Variants in LMO7 observed in about 807,000 individuals in gnomAD.
LMO7 encodes the protein LIM domain 7, also known as LIM domain only protein 7.
In LMO7, 120 loss-of-function variants were observed where a neutral mutation model predicts 206.5. That is an observed-to-expected ratio of 0.58 (90% CI 0.50 to 0.68). The LOEUF (loss-of-function observed/expected upper bound fraction) is 0.68, where lower values mean the gene tolerates loss of function less well. LMO7 is among the 30% of genes least tolerant of loss of function. The probability of loss-of-function intolerance (pLI) is 0.00; values close to 1 mark genes in which losing one functional copy is unlikely to be tolerated. For missense variants in LMO7, 1,959 were observed against 1,957.9 expected, an observed-to-expected ratio of 1.00 and a Z score of -0.01; for synonymous variants, 706 against 681.5, an observed-to-expected ratio of 1.04 and a Z score of -0.56.
At chr13:75,759,472 G>T (rs1265904727) in intron 3 of LMO7, among the ~76,000 whole-genome samples, 1 of 152,112 alleles carries the variant, frequency 6.6e-6, no homozygotes, top group African/African-American at 2.4e-5. Flanking sequence ...CCAATAAATT[G>T]TGTCTCCTTT....
Position 75,761,057 on chromosome 13 carries a change from TTAGATA to T in LMO7, c.317+22_317+27del. On this transcript the variant is annotated intron_variant, in intron 4 of 30. Transcript: ENST00000377534. The stretch of plus-strand genomic sequence containing the variant: ...CTGTCAAGTAAGTTTCAACAGTTTG[TTAGATA>T]TATATATATATATTTAAACTTAGGG... 3 of 1,397,542 alleles carry T rather than the reference TTAGATA, an allele frequency of 2.1e-6. No homozygotes were observed. The highest frequency in any genetic ancestry group is 2.9e-6 in the Non-Finnish European group (3 of 1,024,934). The allele number at this position is 1,397,542 out of a possible 1,614,324, so 86.6% of individuals were successfully genotyped here. A position where few individuals can be genotyped will look rare whatever the true frequency, so the allele number is the denominator to read the frequency against.
intron 2 of LMO7, among the ~76,000 whole-genome samples, chr13:75,723,012 C>T (rs994130437): frequency 4.6e-5 from 7 of 151,924 alleles, no homozygotes; most frequent in South Asian, 2.1e-4. Context: ...TTTGGGGACT[C>T]GGGGGAAAGA....
At chr13:75,833,683 A>G (rs141439924) in intron 16 of LMO7, among the ~76,000 whole-genome samples, 57 of 152,284 alleles carry the variant, frequency 3.7e-4, no homozygotes, top group African/African-American at 1.2e-3. Flanking sequence ...GCCTAAAATT[A>G]AAAACAGGAG....
chr13:75,640,955 T>A (rs759487286), intron 1 of LMO7, among the ~76,000 whole-genome samples: 5 of 152,222 alleles, frequency 3.3e-5, no homozygotes, highest in Non-Finnish European at 4.4e-5. Context: ...ACTTGATGAT[T>A]TCCCTCATGG....
intron 4 of LMO7, among the ~76,000 whole-genome samples, chr13:75,783,386 G>T (rs1011234983): frequency 6.6e-6 from 1 of 152,140 alleles, no homozygotes; most frequent in African/African-American, 2.4e-5. Context: ...GCAGTGGTGC[G>T]ATTTTGGCTC....
intron 3 of LMO7, among the ~76,000 whole-genome samples, chr13:75,749,149 C>A (rs2047087430): frequency 6.6e-6 from 1 of 152,116 alleles, no homozygotes; most frequent in Non-Finnish European, 1.5e-5. Context: ...GGTGATGATC[C>A]AGACTCATTA....
chr13:75,686,477 C>T (rs1417418462), intron 1 of LMO7, among the ~76,000 whole-genome samples: 2 of 151,584 alleles, frequency 1.3e-5, no homozygotes, highest in East Asian at 1.9e-4. Flanking sequence ...GGTGGGGATA[C>T]AGCCACACCA....
chr13:75,761,000 T>G lies in LMO7; in HGVS notation c.279T>G (p.Pro93=), dbSNP rs376052235. The G allele has an allele frequency of 1.9e-6, 3 of 1,613,108 alleles. No individual in the cohort carries two copies. In the African/African-American group the frequency reaches 4.0e-5, roughly 22 times the overall value. Residue 93 remains proline (P), a synonymous_variant, in exon 4 of 31, where the codon CCT becomes CCG. Transcript: ENST00000377534. ...IGLKEAQLFH[P]GDLQDLSNRV... is the part of the protein sequence containing the mutation. ...TGAAAGAAGCCCAGCTTTTCCATCC[T>G]GGAGATCTACAGGATTTATCAAATC...
intron 15 of LMO7, among the ~76,000 whole-genome samples, chr13:75,828,489 G>A (rs1463088701): frequency 6.6e-6 from 1 of 152,082 alleles, no homozygotes; most frequent in Non-Finnish European, 1.5e-5. Flanking sequence ...AGAGCCACTG[G>A]GGACAGAAAT....
intron 3 of LMO7, 47 bp downstream of exon 3, chr13:75,727,145 T>C (rs755822417): frequency 1.6e-6 from 2 of 1,252,510 alleles, no homozygotes; most frequent in East Asian, 4.7e-5. Flanking sequence ...GTCTTTGAAA[T>C]GTAAAGAGGT....
intron 4 of LMO7, among the ~76,000 whole-genome samples, chr13:75,767,196 TAAG>T (rs1309394115): frequency 5.3e-5 from 8 of 152,126 alleles, no homozygotes; most frequent in Non-Finnish European, 8.8e-5. Context: ...TAATAAATGT[TAAG>T]AATGCTTAAC....
At chr13:75,759,783 T>A (rs2047994133) in intron 3 of LMO7, among the ~76,000 whole-genome samples, 1 of 152,032 alleles carries the variant, frequency 6.6e-6, no homozygotes, top group African/African-American at 2.4e-5. Flanking sequence ...GAACCCAAGC[T>A]GTAGAATTTA....
Position 75,812,042 on chromosome 13 carries a change from C to T in LMO7, c.1946+2859C>T, listed in dbSNP as rs530758584. On this transcript the variant is annotated intron_variant, in intron 11 of 30. Coordinates refer to ENST00000377534, the MANE Select transcript of LMO7 (RefSeq NM_001306080.2). ...CAATTTCGGTTATTTCTAGGGATTTCCCTCCACCCCCAGGAGACATTTGGC... is the reference window on the plus strand; with the variant it reads ...CAATTTCGGTTATTTCTAGGGATTTTCCTCCACCCCCAGGAGACATTTGGC... Among the ~76,000 whole-genome samples, 4 of 152,260 alleles carry T rather than the reference C, an allele frequency of 2.6e-5. No individual in the cohort carries two copies. In the East Asian group the frequency reaches 7.7e-4, roughly 29 times the overall value.
At chr13:75,781,331 T>C (rs2051398954) in intron 4 of LMO7, among the ~76,000 whole-genome samples, 1 of 119,892 alleles carries the variant, frequency 8.3e-6, no homozygotes, top group Non-Finnish European at 1.6e-5. Flanking sequence ...CCTGTGTCCA[T>C]GTGATCTCAT....
intron 15 of LMO7, among the ~76,000 whole-genome samples, chr13:75,831,988 T>C (rs1460873300): frequency 1.3e-5 from 2 of 152,146 alleles, no homozygotes; most frequent in African/African-American, 4.8e-5. Context: ...CCCAATTAGT[T>C]CCTGGGTTAG....
intron 3 of LMO7, among the ~76,000 whole-genome samples, chr13:75,738,005 C>T (rs2046087193): frequency 6.6e-6 from 1 of 151,774 alleles, no homozygotes. Context: ...TATCCCAGGT[C>T]ACTGGCCAGC....
Position 75,852,815 on chromosome 13 carries a change from AG to A in LMO7, c.4365-276del, listed in dbSNP as rs572150554. On this transcript the variant is annotated intron_variant, in intron 27 of 30. Coordinates refer to ENST00000377534, the MANE Select transcript of LMO7 (RefSeq NM_001306080.2). ...ACTGTAGGCTAAGGTAAGTGTTCTG[AG>A]CATGATTGAGGTGGATTAGGCTTAG... 1.2e-3 allele frequency among the ~76,000 whole-genome samples: 185 copies of A among 152,296 alleles called. 5 individuals carry two copies. The South Asian group carries it at 0.038, about 31-fold the overall frequency.
intron 2 of LMO7, among the ~76,000 whole-genome samples, chr13:75,716,208 G>C (rs1363197803): frequency 6.6e-6 from 1 of 152,112 alleles, no homozygotes; most frequent in East Asian, 1.9e-4. Flanking sequence ...CTTTTGAACT[G>C]GTGTTCTGAA....
At position 75,833,185 on chromosome 13, in the gene LMO7, C is replaced by G; in HGVS notation, c.3064+20C>G. The G allele has an allele frequency of 7.5e-7, 1 of 1,338,836 alleles. No individual in the cohort carries two copies. The highest frequency in any genetic ancestry group is 1.1e-6 in the Non-Finnish European group (1 of 928,940). The allele number at this position is 1,338,836 out of a possible 1,614,324, so 82.9% of individuals were successfully genotyped here. A position where few individuals can be genotyped will look rare whatever the true frequency, so the allele number is the denominator to read the frequency against. On this transcript the variant is annotated intron_variant, in intron 16 of 30. Transcript: ENST00000377534. Reference sequence around the variant, plus strand: ...AAGCAGGTAAATTATGTGTTTAGCTCTACTGAATTTTCTTCTCCTTTTCTA... The same window carrying G: ...AAGCAGGTAAATTATGTGTTTAGCTGTACTGAATTTTCTTCTCCTTTTCTA...
Sources: gnomAD v4.1 joint callset for allele counts (sites outside exome capture counted in the v4.1 genomes callset) on GRCh38, gnomAD v4.1.1 for gene constraint, MANE v1.5 for transcripts, NCBI Gene and HGNC (gene_info 2026-07-23, HGNC 2026-07-21) for gene names.